CCDC141: variants seen among roughly 807,000 people sequenced by gnomAD.
CCDC141 encodes coiled-coil domain containing 141, also known as coiled-coil domain-containing protein 141.
A neutral mutation model predicts 181.0 loss-of-function variants in CCDC141; 168 were observed. The ratio of observed to expected loss-of-function variants is 0.93; its 90% confidence interval spans 0.82 to 1.05. The LOEUF (loss-of-function observed/expected upper bound fraction) is 1.05. CCDC141 is among the 50% of genes least tolerant of loss of function. The pLI, the probability that CCDC141 is intolerant of heterozygous loss-of-function variation, is 0.00. For synonymous variants in CCDC141, 666 were observed against 642.3 expected, an observed-to-expected ratio of 1.04 and a Z score of -0.56; for missense variants, 1,902 against 1,788.5, an observed-to-expected ratio of 1.06 and a Z score of -1.14.
chr2:178,837,071 T>C lies in CCDC141; in HGVS notation c.4148A>G (p.Gln1383Arg), dbSNP rs1422283287. Residue 1383 changes from glutamine (Q) to arginine (R), a missense_variant, in exon 23 of 24, where the codon CAG (glutamine) becomes CGG (arginine). Physicochemically the swap from Gln to Arg is conservative, Grantham distance 43. Transcript: ENST00000443758. ...RFQSGTSRGY[Q>R]RQMVPREEIK... ...CTCTTCTCGAGGAACCATTTGCCTC[T>C]GATAGCCCCTGCTGGTGCCTGATTG... The C allele has an allele frequency of 1.2e-6, 2 of 1,613,996 alleles. No homozygotes were observed. Among genetic ancestry groups the C allele is most frequent in the African/African-American group, 1.3e-5 (1 of 75,048 alleles).
chr2:178,998,029 A>G (rs1038380777), intron 2 of CCDC141, among the ~76,000 whole-genome samples: 1 of 152,218 alleles, frequency 6.6e-6, no homozygotes, highest in African/African-American at 2.4e-5. Flanking sequence ...ATATCTGAAA[A>G]TGCACTTAAA....
At chr2:178,922,664 A>C (rs1688744453) in intron 6 of CCDC141, among the ~76,000 whole-genome samples, 1 of 152,234 alleles carries the variant, frequency 6.6e-6, no homozygotes. Flanking sequence ...ACTGGACCAA[A>C]ATAATAAACA....
At position 178,832,583 on chromosome 2, in the gene CCDC141, TTTAA is replaced by T. The variant is rs776565329; in HGVS notation, c.*1586_*1589del. 6.6e-6 allele frequency: 1 copy of T among 151,924 alleles called. No homozygotes were observed. The highest frequency in any genetic ancestry group is 1.5e-5 in the Non-Finnish European group (1 of 67,994). 9.4% of individuals were successfully genotyped at this position (151,924 alleles called of 1,614,324 possible). A position where few individuals can be genotyped will look rare whatever the true frequency, so the allele number is the denominator to read the frequency against. ...ATCAAAATTTAGAAGGAAACTGAGA[TTTAA>T]TTTTTTAATTAAATTGGATATGCAG... On this transcript the variant is annotated 3_prime_UTR_variant, in exon 24 of 24. Transcript: ENST00000443758.
chr2:179,024,966 T>C (rs1444651666), intron 2 of CCDC141, among the ~76,000 whole-genome samples: 2 of 152,194 alleles, frequency 1.3e-5, no homozygotes, highest in Non-Finnish European at 1.5e-5. Flanking sequence ...GTTTGGGGCC[T>C]GAATATATGA....
In CCDC141 at chr2:179,005,407, G is replaced by C. The variant is rs148225302; in HGVS notation, c.226-26732C>G. ...ACGTTATAATGTATATATTACAGGA[G>C]GAAAAGACAGCAAATTAATTCAAAG... On this transcript the variant is annotated intron_variant, in intron 2 of 23. Coordinates refer to ENST00000443758, the MANE Select transcript of CCDC141 (RefSeq NM_173648.4). Among the ~76,000 whole-genome samples, 10 of 152,110 alleles carry C rather than the reference G, an allele frequency of 6.6e-5. No homozygotes were observed. In the East Asian group the frequency reaches 1.9e-3, roughly 29 times the overall value.
In CCDC141 at chr2:178,837,383, T is replaced by C. The variant is rs1373590386; in HGVS notation, c.3836A>G (p.Lys1279Arg). 4 of 1,614,088 alleles carry C rather than the reference T, an allele frequency of 2.5e-6. No individual in the cohort carries two copies. Among genetic ancestry groups the C allele is most frequent in the Non-Finnish European group, 3.4e-6 (4 of 1,179,978 alleles). Residue 1279 changes from lysine (K) to arginine (R), a missense_variant, in exon 23 of 24, where the codon AAG becomes AGG. By Grantham distance (26) the Lys-to-Arg change is conservative (BLOSUM62 2). Transcript: ENST00000443758. ...AAAATGACTTGAAAATGTTTCTCTC[T>C]TATCATTGCATGCATCCGCAAAGGC... ...PVAFADACND[K>R]RETFSSHFER...
rs529993418 is a variant in CCDC141 at position 178,903,171 on chromosome 2, AG to A, written c.1265+2157del. Among the ~76,000 whole-genome samples, 557 of 147,286 alleles carry A rather than the reference AG, an allele frequency of 3.8e-3. 3 individuals are homozygous for A. The highest frequency in any genetic ancestry group is 0.013 in the African/African-American group (520 of 40,818). On this transcript the variant is annotated intron_variant, in intron 8 of 23. Coordinates refer to ENST00000443758, the MANE Select transcript of CCDC141 (RefSeq NM_173648.4). The stretch of plus-strand genomic sequence containing the variant: ...TACACTGTTCGTGGGACTGTAAACT[AG>A]TTCAACCATTGTGGAAGTCAGTGTG...
chr2:179,034,128 T>G (rs1292192080), intron 2 of CCDC141, among the ~76,000 whole-genome samples: 1 of 151,996 alleles, frequency 6.6e-6, no homozygotes, highest in East Asian at 1.9e-4. Context: ...ATAAAGAAAA[T>G]GTGGTATATA....
At chr2:178,839,108 T>C (rs1456980090) in intron 22 of CCDC141, among the ~76,000 whole-genome samples, 1 of 152,148 alleles carries the variant, frequency 6.6e-6, no homozygotes, top group Non-Finnish European at 1.5e-5. Context: ...ATATACATTT[T>C]GTAAGTGATT....
intron 5 of CCDC141, among the ~76,000 whole-genome samples, chr2:178,950,063 G>A (rs928944332): frequency 6.6e-6 from 1 of 152,204 alleles, no homozygotes; most frequent in Admixed American, 6.5e-5. Flanking sequence ...AAATGCTTAA[G>A]GGGAGATGAA....
At chr2:179,036,909 T>G (rs1288175226) in intron 2 of CCDC141, among the ~76,000 whole-genome samples, 1 of 152,224 alleles carries the variant, frequency 6.6e-6, no homozygotes, top group African/African-American at 2.4e-5. Flanking sequence ...GAAATAGAAA[T>G]CAGGGTGAGG....
chr2:178,849,584 C>T (rs543071635), intron 21 of CCDC141, among the ~76,000 whole-genome samples: 11 of 152,144 alleles, frequency 7.2e-5, no homozygotes, highest in South Asian at 4.1e-4. Flanking sequence ...TTGTATTCTA[C>T]GAAAAGTGAT....
intron 4 of CCDC141, among the ~76,000 whole-genome samples, chr2:178,962,582 C>T (rs1217197083): frequency 6.6e-6 from 1 of 151,500 alleles, no homozygotes; most frequent in East Asian, 1.9e-4. Context: ...GCATCTCTTT[C>T]CCTCCCCTTC....
intron 8 of CCDC141, among the ~76,000 whole-genome samples, chr2:178,893,783 A>G (rs547650890): frequency 6.8e-6 from 1 of 146,582 alleles, no homozygotes; most frequent in African/African-American, 2.5e-5. Flanking sequence ...TCTCCCACCA[A>G]ACATTTCTCT....
intron 8 of CCDC141, among the ~76,000 whole-genome samples, chr2:178,893,927 T>G (rs1687286031): frequency 1.3e-5 from 2 of 152,054 alleles, no homozygotes; most frequent in Admixed American, 6.6e-5. Flanking sequence ...TGGGTTCTTG[T>G]TCAGATGCAT....
chr2:178,962,116 G>A (rs1690431214), intron 4 of CCDC141, among the ~76,000 whole-genome samples: 1 of 152,080 alleles, frequency 6.6e-6, no homozygotes, highest in Non-Finnish European at 1.5e-5. Context: ...AAAATCACAG[G>A]ATAATGAAGC....
At chr2:178,935,858 CT>C (rs1003632325) in intron 6 of CCDC141, among the ~76,000 whole-genome samples, 19 of 151,724 alleles carry the variant, frequency 1.3e-4, no homozygotes, top group Non-Finnish European at 2.5e-4. Flanking sequence ...TGATATTGAG[CT>C]TTTTTTTCAT....
chr2:178,984,130 T>C (rs1233591750), intron 2 of CCDC141, among the ~76,000 whole-genome samples: 1 of 152,084 alleles, frequency 6.6e-6, no homozygotes, highest in East Asian at 1.9e-4. Flanking sequence ...GCAGAAACCC[T>C]ACGAGCCAGA....
chr2:178,832,474 AAAAAAAAAACAAAAAAAAC>A lies in CCDC141; in HGVS notation c.*1680_*1698del. ...GAGCAAGACTCTTTCTCAAAAAAAA[AAAAAAAAAACAAAAAAAAC>A]AAAAAAAAGATAGTTAAGAGAAATT... On this transcript the variant is annotated 3_prime_UTR_variant, in exon 24 of 24. Coordinates refer to ENST00000443758, the MANE Select transcript of CCDC141 (RefSeq NM_173648.4). The A allele has an allele frequency of 6.8e-6, 1 of 148,102 alleles. No homozygotes were observed. Among genetic ancestry groups the A allele is most frequent in the Middle Eastern group, 3.5e-3 (1 of 288 alleles). 9.2% of individuals were successfully genotyped at this position (148,102 alleles called of 1,614,324 possible).
Sources: gnomAD v4.1 joint callset for allele counts (sites outside exome capture counted in the v4.1 genomes callset) on GRCh38, gnomAD v4.1.1 for gene constraint, MANE v1.5 for transcripts, NCBI Gene and HGNC (gene_info 2026-07-23, HGNC 2026-07-21) for gene names.